Variants in MKLN1 observed in about 807,000 individuals in gnomAD.
The protein encoded by MKLN1 is muskelin.
In MKLN1, 18 loss-of-function variants were observed where a neutral mutation model predicts 99.0. The observed-to-expected ratio is 0.18, with a 90% CI of 0.13 to 0.27. MKLN1 has a LOEUF of 0.27. Among genes scored for constraint, MKLN1 ranks in the 10% least tolerant of loss-of-function variants. The pLI, the probability that MKLN1 is intolerant of heterozygous loss-of-function variation, is 1.00. For synonymous variants in MKLN1, 288 were observed against 293.2 expected (o/e 0.98, Z 0.18); for missense variants, 621 against 875.9 (o/e 0.71, Z 3.67).
intron 3 of MKLN1, among the ~76,000 whole-genome samples, chr7:131,260,393 G>C (rs1233180955): frequency 1.3e-5 from 2 of 152,062 alleles, no homozygotes; most frequent in African/African-American, 2.4e-5. Flanking sequence ...GCCACAAAAA[G>C]AATAAAATAC....
Position 131,488,288 on chromosome 7 carries a change from G to T in MKLN1, c.*560G>T, listed in dbSNP as rs1263284990. 1.3e-5 allele frequency: 2 copies of T among 151,988 alleles called. No individual in the cohort carries two copies. Among genetic ancestry groups the T allele is most frequent in the African/African-American group, 2.4e-5 (1 of 41,390 alleles). The allele number at this position is 151,988 out of a possible 1,614,324, so 9.4% of individuals were successfully genotyped here. On this transcript the variant is annotated 3_prime_UTR_variant, in exon 18 of 18. Transcript: ENST00000352689. ...TGATGTATGTTAAGGTGATATCTGT[G>T]TCTGTATTGACTTGTCTTGTGTTAC...
intron 17 of MKLN1, among the ~76,000 whole-genome samples, chr7:131,486,999 G>T (rs1344134298): frequency 6.6e-6 from 1 of 152,056 alleles, no homozygotes; most frequent in African/African-American, 2.4e-5. Flanking sequence ...TAGCATAAAG[G>T]TATAGTGTTA....
At chr7:131,456,011 A>AT (rs1006837150) in intron 12 of MKLN1, among the ~76,000 whole-genome samples, 1 of 151,654 alleles carries the variant, frequency 6.6e-6, no homozygotes, top group African/African-American at 2.4e-5. Flanking sequence ...ACATTATTGC[A>AT]TTCCAGCCTG....
intron 1 of MKLN1, among the ~76,000 whole-genome samples, chr7:131,120,442 G>A (rs575071136): frequency 8.8e-5 from 13 of 147,302 alleles, no homozygotes; most frequent in East Asian, 2.0e-4. Flanking sequence ...CCAGCTACTC[G>A]GGAGGCTGAG....
At position 131,175,907 on chromosome 7, in the gene MKLN1, A is replaced by AAC. The variant is rs1554532325; in HGVS notation, c.-296-26950_-296-26949insAC. On this transcript the variant is annotated intron_variant, in intron 2 of 7. Coordinates refer to the MKLN1 transcript ENST00000416992. ...AGAGTGAGACTCCACTCAAAAAAAA[A>AAC]CCAAAAAACAAATATTACTCTGATG... Among the ~76,000 whole-genome samples the AAC allele has an allele frequency of 4.6e-5, 7 of 151,854 alleles. No homozygotes were observed. In the East Asian group the frequency reaches 5.8e-4, roughly 13 times the overall value.
At chr7:131,122,772 A>G (rs780717788) in intron 1 of MKLN1, among the ~76,000 whole-genome samples, 161 of 152,246 alleles carry the variant, frequency 1.1e-3, no homozygotes, top group Non-Finnish European at 1.9e-3. Context: ...CTGTAATCCC[A>G]GTACTTTGAG....
intron 3 of MKLN1, among the ~76,000 whole-genome samples, chr7:131,266,719 C>T (rs995008904): frequency 6.6e-6 from 1 of 151,912 alleles, no homozygotes; most frequent in Admixed American, 6.6e-5. Context: ...GACTCAGTTT[C>T]CATAGTTTCC....
chr7:131,202,276 C>T (rs1351272821), intron 2 of MKLN1, among the ~76,000 whole-genome samples: 2 of 147,800 alleles, frequency 1.4e-5, no homozygotes, highest in Non-Finnish European at 3.0e-5. Context: ...TCACCATGCC[C>T]GGCTAATTTT....
At chr7:131,253,340 G>C (rs1487139599) in intron 3 of MKLN1, among the ~76,000 whole-genome samples, 1 of 152,058 alleles carries the variant, frequency 6.6e-6, no homozygotes, top group African/African-American at 2.4e-5. Context: ...TATCTCCCTG[G>C]GGAGGGGCAG....
intron 3 of MKLN1, among the ~76,000 whole-genome samples, chr7:131,235,978 A>G (rs1797315835): frequency 6.6e-6 from 1 of 152,244 alleles, no homozygotes; most frequent in African/African-American, 2.4e-5. Context: ...AGATCGAGTT[A>G]TAAAGCTGGC....
chr7:131,342,252 G>T (rs112348977), intron 1 of MKLN1, among the ~76,000 whole-genome samples: 5 of 151,896 alleles, frequency 3.3e-5, no homozygotes, highest in Non-Finnish European at 7.4e-5. Flanking sequence ...GGATTAGATC[G>T]CAAATTGCTT....
chr7:131,190,394 ACAGT>A (rs2116381046), intron 2 of MKLN1, among the ~76,000 whole-genome samples: 1 of 152,032 alleles, frequency 6.6e-6, no homozygotes, highest in South Asian at 2.1e-4. Flanking sequence ...GCTGAGCAAG[ACAGT>A]CAGCAGAACA....
chr7:131,429,480 A>G (rs973849896), intron 9 of MKLN1, among the ~76,000 whole-genome samples: 6 of 152,232 alleles, frequency 3.9e-5, no homozygotes, highest in African/African-American at 1.2e-4. Context: ...TATTTTTAAC[A>G]TTCATCTTAT....
intron 3 of MKLN1, among the ~76,000 whole-genome samples, chr7:131,227,410 CCT>C (rs10556391): frequency 2.0e-3 from 282 of 137,586 alleles, no homozygotes; most frequent in African/African-American, 7.3e-3. Flanking sequence ...TCTTTCTTTC[CCT>C]CTCTCTCTTT....
chr7:131,210,973 C>A (rs965032309), intron 3 of MKLN1, among the ~76,000 whole-genome samples: 2 of 151,588 alleles, frequency 1.3e-5, no homozygotes, highest in Non-Finnish European at 2.9e-5. Context: ...TACCAAGTAT[C>A]TTCCATCACC....
At position 131,281,901 on chromosome 7, in the gene MKLN1, T is replaced by C. The variant is rs560939030; in HGVS notation, c.-179+78927T>C. Among the ~76,000 whole-genome samples, 36 of 152,176 alleles carry C rather than the reference T, an allele frequency of 2.4e-4. 1 individual carries two copies. Among genetic ancestry groups the C allele is most frequent in the Non-Finnish European group, 1.6e-4 (11 of 67,980 alleles). On this transcript the variant is annotated intron_variant, in intron 3 of 7. Transcript: ENST00000416992. Reference sequence around the variant, plus strand: ...GTTGCCCAGGCTGGCCTTGAACTCCTGGCCTCAAGCGTCCTCCCACCTCAG... The same window carrying C: ...GTTGCCCAGGCTGGCCTTGAACTCCCGGCCTCAAGCGTCCTCCCACCTCAG...
intron 11 of MKLN1, among the ~76,000 whole-genome samples, chr7:131,445,068 CT>C (rs1217033982): frequency 6.6e-6 from 1 of 152,002 alleles, no homozygotes; most frequent in African/African-American, 2.4e-5. Context: ...TTTAACGTTG[CT>C]TTCTGATTAT....
chr7:131,278,985 G>A (rs1792556888), intron 3 of MKLN1, among the ~76,000 whole-genome samples: 1 of 152,176 alleles, frequency 6.6e-6, no homozygotes, highest in African/African-American at 2.4e-5. Flanking sequence ...ATGCCACTTT[G>A]TAGCTAGGAA....
intron 1 of MKLN1, among the ~76,000 whole-genome samples, chr7:131,361,050 G>GT (rs1345128103): frequency 3.3e-5 from 5 of 151,678 alleles, no homozygotes; most frequent in Admixed American, 6.6e-5. Context: ...TAAATGAGGA[G>GT]TTTTTTTTCC....
Sources: gnomAD v4.1 joint callset for allele counts (sites outside exome capture counted in the v4.1 genomes callset) on GRCh38, gnomAD v4.1.1 for gene constraint, MANE v1.5 for transcripts, NCBI Gene and HGNC (gene_info 2026-07-23, HGNC 2026-07-21) for gene names.